Variants in SMTN observed in about 807,000 individuals in gnomAD.
The protein encoded by SMTN is smoothelin.
A neutral mutation model predicts 102.0 loss-of-function variants in SMTN; 58 were observed. That is an observed-to-expected ratio of 0.57 (90% CI 0.46 to 0.71). SMTN has a LOEUF of 0.71. SMTN is among the 30% of genes least tolerant of loss of function. SMTN has a pLI of 0.00. For missense variants in SMTN, 1,185 were observed against 1,241.7 expected (o/e 0.95, Z 0.69); for synonymous variants, 478 against 497.9 (o/e 0.96, Z 0.53).
At chr22:31,093,759 C>A in intron 11 of SMTN, 1 of 1,577,658 alleles carries the variant, frequency 6.3e-7, no homozygotes, top group East Asian at 2.3e-5. Context: ...TCCTGGCTGC[C>A]GCCGACCCCG....
chr22:31,076,684 A>T (rs1467841392), upstream of SMTN, among the ~76,000 whole-genome samples: 1 of 152,124 alleles, frequency 6.6e-6, no homozygotes, highest in Non-Finnish European at 1.5e-5. Context: ...TCTGCTCCTG[A>T]TTTGCTACAC....
chr22:31,095,493 C>T lies in SMTN; in HGVS notation c.1785+38C>T. ...CCGGTGGGCTGGGGGTTGGCAGAGGCCAGCAGGCACCAGGTAGGCAATGAT... is the reference window on the plus strand; with the variant it reads ...CCGGTGGGCTGGGGGTTGGCAGAGGTCAGCAGGCACCAGGTAGGCAATGAT... On this transcript the variant is annotated intron_variant, in intron 12 of 20. Transcript: ENST00000333137. This position sits in a 1 kb window ranked among gnomAD's most constrained non-coding sequence, Gnocchi z 4.1. The T allele has an allele frequency of 6.2e-7, 1 of 1,614,178 alleles. No homozygotes were observed. Among genetic ancestry groups the T allele is most frequent in the Non-Finnish European group, 8.5e-7 (1 of 1,179,986 alleles).
chr22:31,102,915 G>C (rs1214628178), intron 20 of SMTN: 1 of 152,264 alleles, frequency 6.6e-6, no homozygotes, highest in Non-Finnish European at 1.5e-5. Context: ...ATGACCCTAG[G>C]GGCACGTGGC....
At chr22:31,093,723 G>T in intron 11 of SMTN, 1 of 1,296,422 alleles carries the variant, frequency 7.7e-7, no homozygotes, top group Non-Finnish European at 1.1e-6. Flanking sequence ...CCGGCCTTGA[G>T]CCTGAGCTGG....
intron 16 of SMTN, among the ~76,000 whole-genome samples, chr22:31,098,028 C>G (rs1030675008): frequency 2.6e-5 from 4 of 152,224 alleles, no homozygotes; most frequent in Non-Finnish European, 5.9e-5. Context: ...CCAGGTCACA[C>G]AGCACCTTTA....
At position 31,095,658 on chromosome 22, in the gene SMTN, C is replaced by G. The variant is rs887890675; in HGVS notation, c.1861+49C>G. The G allele has an allele frequency of 6.6e-7, 1 of 1,515,300 alleles. No individual in the cohort carries two copies. The highest frequency in any genetic ancestry group is 1.4e-5 in the African/African-American group (1 of 73,030). 93.9% of individuals were successfully genotyped at this position (1,515,300 alleles called of 1,614,324 possible). ...TAGATCCAGCTGCCCCATTCCCCAG[C>G]TGCTCCCCTCATACTCTGGGGTCCA... On this transcript the variant is annotated intron_variant, in intron 13 of 20. Transcript: ENST00000333137. This position sits in a 1 kb window ranked among gnomAD's most constrained non-coding sequence, Gnocchi z 4.1.
In SMTN at chr22:31,083,482, G is replaced by C. The variant is rs770373930; in HGVS notation, c.51+173G>C. 3.9e-4 allele frequency: 292 copies of C among 757,972 alleles called. 1 individual carries two copies. The highest frequency in any genetic ancestry group is 5.5e-4 in the Admixed American group (18 of 32,864). 47.0% of individuals were successfully genotyped at this position (757,972 alleles called of 1,614,324 possible). On this transcript the variant is annotated intron_variant, in intron 2 of 20. Coordinates refer to ENST00000333137, the MANE Select transcript of SMTN (RefSeq NM_134269.3). ...TGTGGCTGATGCAGAGGCCCTTGTGGCATGTGCCTGTCCATGCCTGGTACT... is the reference window on the plus strand; with the variant it reads ...TGTGGCTGATGCAGAGGCCCTTGTGCCATGTGCCTGTCCATGCCTGGTACT...
chr22:31,079,427 G>T (rs1341196105), upstream of SMTN, among the ~76,000 whole-genome samples: 1 of 152,244 alleles, frequency 6.6e-6, no homozygotes, highest in Non-Finnish European at 1.5e-5. Flanking sequence ...GAACTCACCT[G>T]TACCATTCCT....
At chr22:31,093,862 C>A (rs1199636322) in intron 11 of SMTN, 2 of 1,577,488 alleles carry the variant, frequency 1.3e-6, no homozygotes, top group East Asian at 2.3e-5. Flanking sequence ...CGGCACCACC[C>A]GCAGCACTAG....
At chr22:31,100,572 A>C (rs1319512314) in intron 19 of SMTN, among the ~76,000 whole-genome samples, 7 of 120,224 alleles carry the variant, frequency 5.8e-5, no homozygotes, top group Admixed American at 8.1e-5. Context: ...CATCGCCCCC[A>C]CCCCGCGTTC....
rs1232321101 is a variant in SMTN at position 31,088,037 on chromosome 22, C to G, written c.124C>G (p.Leu42Val). The change falls in exon 3 of 21, where the codon CTG becomes GTG. Residue 42 changes from leucine (L) to valine (V), a missense_variant. Physicochemically the swap from Leu to Val is conservative, Grantham distance 32. Around this residue, in one of 2 missense-constraint regions of SMTN, gnomAD observed 1,096 missense variants for 1,112.7 expected, o/e 0.98. Coordinates refer to ENST00000333137, the MANE Select transcript of SMTN (RefSeq NM_134269.3). ...CATCCGGGAACTGCAGCGGCAGGAG[C>G]TGGAGCGCGAGGAGGAGGCCCTGGC... ...SAIRELQRQE[L>V]EREEEALASK... 5.6e-6 allele frequency: 9 copies of G among 1,612,214 alleles called. No individual in the cohort carries two copies. Among genetic ancestry groups the G allele is most frequent in the Non-Finnish European group, 7.6e-6 (9 of 1,179,042 alleles).
chr22:31,090,312 C>CATGG, intron 8 of SMTN, 132 bp downstream of exon 8: 2 of 687,260 alleles, frequency 2.9e-6, no homozygotes, highest in Non-Finnish European at 4.8e-6. Flanking sequence ...CCTGATACTG[C>CATGG]ACCCCACCCC....
chr22:31,099,651 C>G (rs1432686220), intron 18 of SMTN, 94 bp from the exon 19 acceptor site: 1 of 1,404,092 alleles, frequency 7.1e-7, no homozygotes, highest in Non-Finnish European at 9.8e-7. Context: ...TCTTTGTGCC[C>G]AGTGCCCTAG....
chr22:31,064,445 A>G (rs1254770259), intron 1 of SMTN: 1 of 152,214 alleles, frequency 6.6e-6, no homozygotes, highest in African/African-American at 2.4e-5. Flanking sequence ...AATGGAGAAG[A>G]TAGCATCCGA....
intron 2 of SMTN, among the ~76,000 whole-genome samples, chr22:31,083,966 T>C (rs946619698): frequency 2.6e-5 from 4 of 152,188 alleles, no homozygotes; most frequent in East Asian, 3.9e-4. Flanking sequence ...TTTTCTACTC[T>C]TGAGTCTCAG....
chr22:31,085,021 G>A (rs1465887659), intron 2 of SMTN: 2 of 1,501,148 alleles, frequency 1.3e-6, no homozygotes, highest in African/African-American at 1.4e-5. Flanking sequence ...TGGGGACGCG[G>A]GCAGTCGCTT....
chr22:31,099,443 C>T (rs999377885), intron 18 of SMTN: 5 of 587,214 alleles, frequency 8.5e-6, no homozygotes, highest in Non-Finnish European at 1.2e-5. Context: ...GAGTCCCCTC[C>T]TTGTTGCTCT....
chr22:31,078,354 A>G (rs536092493), upstream of SMTN, among the ~76,000 whole-genome samples: 65 of 152,286 alleles, frequency 4.3e-4, no homozygotes, highest in African/African-American at 1.5e-3. Context: ...TCTGGAGCAA[A>G]ATATTACCCC....
At position 31,091,457 on chromosome 22, in the gene SMTN, G is replaced by C. The variant is rs554286279; in HGVS notation, c.1434G>C (p.Leu478=). 6.6e-7 allele frequency: 1 copy of C among 1,526,114 alleles called. No individual in the cohort carries two copies. Among genetic ancestry groups the C allele is most frequent in the South Asian group, 1.3e-5 (1 of 76,954 alleles). The allele number at this position is 1,526,114 out of a possible 1,614,324, so 94.5% of individuals were successfully genotyped here. The change falls in exon 10 of 21, where the codon CTG becomes CTC. Residue 478 remains leucine, a synonymous_variant. Coordinates refer to ENST00000333137, the MANE Select transcript of SMTN (RefSeq NM_134269.3). Reference sequence around the variant, plus strand: ...GCCAGGCCTCCACAGGCCGGGTGCTGCTGCCCACAGGCAACCAGAGGGCAG... The same window carrying C: ...GCCAGGCCTCCACAGGCCGGGTGCTCCTGCCCACAGGCAACCAGAGGGCAG... The part of the protein sequence containing the change: ...GRGQASTGRV[L]LPTGNQRAEL...
Sources: allele counts gnomAD v4.1 joint callset (sites outside exome capture counted in the v4.1 genomes callset), GRCh38; gene constraint gnomAD v4.1.1; regional missense constraint gnomAD v4.1.1; non-coding constraint Gnocchi (gnomAD v3.1); transcripts MANE v1.5; gene names NCBI Gene and HGNC (gene_info 2026-07-23, HGNC 2026-07-21).